Variants in CAMK4 observed in about 807,000 individuals in gnomAD.
The protein encoded by CAMK4 is calcium/calmodulin dependent protein kinase IV.
CAMK4 carries 22 observed loss-of-function variants against 44.9 expected under a neutral mutation model. The ratio of observed to expected loss-of-function variants is 0.49; its 90% CI spans 0.35 to 0.70. The LOEUF (loss-of-function observed/expected upper bound fraction) is 0.70, where lower values mean the gene tolerates loss of function less well. Ranked by LOEUF, CAMK4 falls within the 30% of genes least tolerant of loss-of-function variation. The pLI is 0.01. For synonymous variants in CAMK4, 218 were observed against 215.4 expected, an observed-to-expected ratio of 1.01 and a Z score of -0.11; for missense variants, 498 against 586.8, an observed-to-expected ratio of 0.85 and a Z score of 1.56.
Position 111,448,020 on chromosome 5 carries a change from A to G in CAMK4, c.551-1109A>G, listed in dbSNP as rs1212253084. 2.0e-5 allele frequency among the ~76,000 whole-genome samples: 3 copies of G among 152,170 alleles called. No homozygotes were observed. The East Asian group carries it at 5.8e-4, about 29-fold the overall frequency. On this transcript the variant is annotated intron_variant, in intron 6 of 10. Transcript: ENST00000282356. ...TTCTGAAGGGCTTCCTGCTGCTTCC[A>G]CTGATAAGGATCAGGCACCTGCCAG...
chr5:111,275,711 C>T (rs891729967), intron 1 of CAMK4, among the ~76,000 whole-genome samples: 1 of 151,838 alleles, frequency 6.6e-6, no homozygotes, highest in Non-Finnish European at 1.5e-5. Context: ...TTTTAATATT[C>T]GATAGTGCAG....
At chr5:111,407,056 T>G (rs1191652342) in intron 5 of CAMK4, among the ~76,000 whole-genome samples, 1 of 151,900 alleles carries the variant, frequency 6.6e-6, no homozygotes, top group Non-Finnish European at 1.5e-5. Flanking sequence ...AGTGGCAGCA[T>G]GAAAGAAAAA....
intron 1 of CAMK4, among the ~76,000 whole-genome samples, chr5:111,331,932 T>G (rs1209428634): frequency 2.0e-5 from 3 of 151,672 alleles, no homozygotes; most frequent in African/African-American, 7.3e-5. Flanking sequence ...AGAACCATCC[T>G]TATATTCCCA....
intron 5 of CAMK4, among the ~76,000 whole-genome samples, chr5:111,426,646 C>A (rs998543451): frequency 1.3e-5 from 2 of 152,088 alleles, no homozygotes; most frequent in African/African-American, 2.4e-5. Flanking sequence ...ACCCCTCCCC[C>A]ACCCCCAATG....
At chr5:111,243,069 G>A (rs1749076934) in intron 1 of CAMK4, among the ~76,000 whole-genome samples, 1 of 152,126 alleles carries the variant, frequency 6.6e-6, no homozygotes, top group Non-Finnish European at 1.5e-5. Flanking sequence ...CCGGGCAGAT[G>A]TTTAAAACAT....
intron 2 of CAMK4, among the ~76,000 whole-genome samples, chr5:111,372,558 A>G (rs1751049938): frequency 6.6e-6 from 1 of 152,144 alleles, no homozygotes; most frequent in African/African-American, 2.4e-5. Flanking sequence ...GAGAGAGATT[A>G]TCTGAGTCTC....
rs544814130 is a variant in CAMK4 at position 111,485,751 on chromosome 5, T to C, written c.*1285T>C. ...GAAAAATACTGATTTCAAATCAGAC[T>C]CTTAAAAAGCTGGAACATTAGACCT... On this transcript the variant is annotated 3_prime_UTR_variant, in exon 11 of 11. Coordinates refer to ENST00000282356, the MANE Select transcript of CAMK4 (RefSeq NM_001744.6). 6.6e-6 allele frequency: 1 copy of C among 152,294 alleles called. No individual in the cohort carries two copies. Among genetic ancestry groups the C allele is most frequent in the Non-Finnish European group, 1.5e-5 (1 of 68,002 alleles). The allele number at this position is 152,294 out of a possible 1,614,324, so 9.4% of individuals were successfully genotyped here.
At chr5:111,324,483 G>A (rs1222470622) in intron 1 of CAMK4, among the ~76,000 whole-genome samples, 1 of 151,918 alleles carries the variant, frequency 6.6e-6, no homozygotes, top group African/African-American at 2.4e-5. Flanking sequence ...AAATGAAGGG[G>A]CATTTCATAA....
intron 1 of CAMK4, among the ~76,000 whole-genome samples, chr5:111,299,823 GT>G (rs1481040526): frequency 2.6e-5 from 4 of 151,668 alleles, no homozygotes; most frequent in East Asian, 4.0e-4. Flanking sequence ...CCATTTCTGT[GT>G]TTTTTTTAAA....
At position 111,384,401 on chromosome 5, in the gene CAMK4, T is replaced by C. The variant is rs935455610; in HGVS notation, c.386+7459T>C. Among the ~76,000 whole-genome samples, 9 of 152,268 alleles carry C rather than the reference T, an allele frequency of 5.9e-5. 1 individual carries two copies. The highest frequency in any genetic ancestry group is 2.2e-4 in the African/African-American group (9 of 41,572). ...CCTCTTCCCCTCCCCACCTCTTAAG[T>C]TCCCTTTAAACTTCTTCTACATTCT... On this transcript the variant is annotated intron_variant, in intron 4 of 10. Coordinates refer to ENST00000282356, the MANE Select transcript of CAMK4 (RefSeq NM_001744.6).
At chr5:111,476,496 C>G (rs776561471) in intron 8 of CAMK4, among the ~76,000 whole-genome samples, 18 of 152,002 alleles carry the variant, frequency 1.2e-4, no homozygotes, top group Non-Finnish European at 2.5e-4. Flanking sequence ...CCAGCCTGGT[C>G]TCAAACTCCT....
At chr5:111,387,605 C>G (rs1455102460) in intron 4 of CAMK4, among the ~76,000 whole-genome samples, 1 of 152,160 alleles carries the variant, frequency 6.6e-6, no homozygotes, top group Non-Finnish European at 1.5e-5. Flanking sequence ...ACTTCTGAGT[C>G]CAGTGCTTTT....
chr5:111,372,400 G>T (rs1002858661), intron 2 of CAMK4, among the ~76,000 whole-genome samples: 4 of 152,070 alleles, frequency 2.6e-5, no homozygotes, highest in Non-Finnish European at 5.9e-5. Flanking sequence ...ATCAAGCAAG[G>T]CTAATGATAA....
chr5:111,398,358 A>G (rs1580700297), intron 5 of CAMK4, among the ~76,000 whole-genome samples: 1 of 152,190 alleles, frequency 6.6e-6, no homozygotes, highest in East Asian at 1.9e-4. Context: ...GTGGCTGGCC[A>G]GGACTGGGGA....
At chr5:111,369,956 A>T (rs1053883169) in intron 2 of CAMK4, among the ~76,000 whole-genome samples, 2 of 152,086 alleles carry the variant, frequency 1.3e-5, no homozygotes, top group African/African-American at 4.8e-5. Context: ...GAAGATGCCG[A>T]ACCCACAGAT....
chr5:111,418,645 A>C (rs1418803495), intron 5 of CAMK4, among the ~76,000 whole-genome samples: 1 of 117,950 alleles, frequency 8.5e-6, no homozygotes, highest in Non-Finnish European at 1.6e-5. Context: ...TCCTGTGTCC[A>C]TGTGTTCTCA....
At chr5:111,267,232 T>C (rs891584065) in intron 1 of CAMK4, among the ~76,000 whole-genome samples, 4 of 152,180 alleles carry the variant, frequency 2.6e-5, no homozygotes, top group African/African-American at 4.8e-5. Context: ...TTTCTTTTAG[T>C]TGGAAATGGT....
rs114559836 is a variant in CAMK4, at chr5:111,233,675, C to T, written c.161+9031C>T. On this transcript the variant is annotated intron_variant, in intron 1 of 10. Coordinates refer to ENST00000282356, the MANE Select transcript of CAMK4 (RefSeq NM_001744.6). Reference sequence around the variant, plus strand: ...TTACTGATGAAAGATTTTCCTCTAACTAGTAAAGTTGAATTAATTTTTCCA... The same window carrying T: ...TTACTGATGAAAGATTTTCCTCTAATTAGTAAAGTTGAATTAATTTTTCCA... Among the ~76,000 whole-genome samples the T allele has an allele frequency of 2.6e-3, 394 of 152,186 alleles. 3 individuals are homozygous for T. Among genetic ancestry groups the T allele is most frequent in the African/African-American group, 8.8e-3 (367 of 41,512 alleles).
At chr5:111,481,553 T>A (rs939821042) in intron 9 of CAMK4, among the ~76,000 whole-genome samples, 6 of 152,220 alleles carry the variant, frequency 3.9e-5, no homozygotes, top group African/African-American at 1.4e-4. Context: ...TTAGCCTATG[T>A]TCACGTCTCC....
Sources: gnomAD v4.1 joint callset for allele counts (sites outside exome capture counted in the v4.1 genomes callset) on GRCh38, gnomAD v4.1.1 for gene constraint, MANE v1.5 for transcripts, NCBI Gene and HGNC (gene_info 2026-07-23, HGNC 2026-07-21) for gene names.